The following AUH variants were observed in gnomAD, a reference collection of about 807,000 sequenced individuals.
AUH encodes methylglutaconyl-CoA hydratase, mitochondrial.
In AUH, 29 loss-of-function variants were observed where a neutral mutation model predicts 42.3. That is an observed-to-expected ratio of 0.69 (90% CI 0.51 to 0.93). The LOEUF is 0.93. Ranked by LOEUF, AUH falls within the 40% of genes least tolerant of loss-of-function variation. The pLI is 0.00. For missense variants in AUH, 452 were observed against 438.1 expected (o/e 1.03, Z -0.28); for synonymous variants, 174 against 166.4 (o/e 1.05, Z -0.35).
chr9:91,337,582 C>T (rs1830786388), intron 3 of AUH, among the ~76,000 whole-genome samples: 1 of 152,158 alleles, frequency 6.6e-6, no homozygotes. Flanking sequence ...GGATATGGGG[C>T]CCAGAACTGA....
chr9:91,303,179 C>T (rs927203219), intron 4 of AUH, among the ~76,000 whole-genome samples: 3 of 152,006 alleles, frequency 2.0e-5, no homozygotes, highest in South Asian at 2.1e-4. Flanking sequence ...CTGCAGCCTA[C>T]GATAATTAGA....
intron 4 of AUH, among the ~76,000 whole-genome samples, chr9:91,299,438 C>A (rs1322237795): frequency 6.6e-6 from 1 of 152,142 alleles, no homozygotes; most frequent in Non-Finnish European, 1.5e-5. Context: ...TACACAGCTG[C>A]CGCCTGAAGC....
intron 6 of AUH, among the ~76,000 whole-genome samples, chr9:91,275,609 A>G (rs1429124867): frequency 6.6e-6 from 1 of 152,180 alleles, no homozygotes; most frequent in African/African-American, 2.4e-5. Context: ...GCATCAGGTA[A>G]AAGTTTGCTC....
At chr9:91,324,999 A>C (rs1829869944) in intron 4 of AUH, among the ~76,000 whole-genome samples, 1 of 152,114 alleles carries the variant, frequency 6.6e-6, no homozygotes, top group South Asian at 2.1e-4. Flanking sequence ...TATTTAAAAA[A>C]CAAAGGAATC....
chr9:91,285,538 T>TA (rs922780772), intron 6 of AUH, among the ~76,000 whole-genome samples: 4 of 152,066 alleles, frequency 2.6e-5, no homozygotes, highest in African/African-American at 7.2e-5. Flanking sequence ...TATATTGCCT[T>TA]ATCCCTGTTT....
intron 6 of AUH, among the ~76,000 whole-genome samples, chr9:91,238,580 A>G (rs1828320748): frequency 6.6e-6 from 1 of 152,262 alleles, no homozygotes; most frequent in Admixed American, 6.5e-5. Flanking sequence ...ATCATGCAAC[A>G]AAATGTCTTC....
chr9:91,349,598 A>G (rs931101591), intron 3 of AUH, among the ~76,000 whole-genome samples: 16 of 152,110 alleles, frequency 1.1e-4, no homozygotes, highest in African/African-American at 3.9e-4. Context: ...AACTACATAA[A>G]CATTTTGAAA....
Position 91,282,037 on chromosome 9 carries a change from T to C in AUH, c.655+13984A>G, listed in dbSNP as rs148912934. Among the ~76,000 whole-genome samples, 394 of 152,272 alleles carry C rather than the reference T, an allele frequency of 2.6e-3. 2 individuals carry two copies. The highest frequency in any genetic ancestry group is 8.5e-3 in the African/African-American group (353 of 41,562). On this transcript the variant is annotated intron_variant, in intron 6 of 9. Transcript: ENST00000375731. ...GGGTAAAAGTTAAAAGTCCTGACAG[T>C]GGCTATAAGACCTCTAGATCTGACT...
chr9:91,335,059 T>G (rs1487832304), intron 3 of AUH, among the ~76,000 whole-genome samples: 2 of 152,196 alleles, frequency 1.3e-5, no homozygotes, highest in African/African-American at 4.8e-5. Flanking sequence ...TACGTGGTGG[T>G]TGTCAGGGGT....
chr9:91,221,133 G>C, intron 6 of AUH, 141 bp from the exon 7 acceptor site: 1 of 906,744 alleles, frequency 1.1e-6, no homozygotes, highest in Non-Finnish European at 1.7e-6. Flanking sequence ...AACTACTTCA[G>C]AACAGAATCT....
At chr9:91,240,911 A>T (rs553049735) in intron 6 of AUH, among the ~76,000 whole-genome samples, 80 of 152,138 alleles carry the variant, frequency 5.3e-4, no homozygotes, top group Non-Finnish European at 1.0e-3. Context: ...GGTCTACACA[A>T]CATCTCTACA....
At chr9:91,259,049 TG>T (rs1227931753) in intron 6 of AUH, among the ~76,000 whole-genome samples, 9 of 152,196 alleles carry the variant, frequency 5.9e-5, no homozygotes, top group Admixed American at 3.9e-4. Context: ...ACCATGAGTC[TG>T]GAAGTATGCT....
rs60764101 is a variant in AUH at position 91,231,291 on chromosome 9, G to A, written c.656-10299C>T. On this transcript the variant is annotated intron_variant, in intron 6 of 9. Coordinates refer to ENST00000375731, the MANE Select transcript of AUH (RefSeq NM_001698.3). ...AGCCCGTCGGAAAAGCGCAGTATTCGGGTCGGGTGGGAGTGACCCGATTTT... is the reference window on the plus strand; with the variant it reads ...AGCCCGTCGGAAAAGCGCAGTATTCAGGTCGGGTGGGAGTGACCCGATTTT... Among the ~76,000 whole-genome samples the A allele has an allele frequency of 9.1e-3, 1,388 of 152,280 alleles. 27 individuals carry two copies. Among genetic ancestry groups the A allele is most frequent in the African/African-American group, 0.032 (1,326 of 41,568 alleles).
intron 6 of AUH, among the ~76,000 whole-genome samples, chr9:91,280,178 T>G (rs112106867): frequency 0.02 from 3,012 of 152,330 alleles, 84 homozygotes; most frequent in African/African-American, 0.06. Flanking sequence ...CTCTTCTTAA[T>G]TTATAGGCAG....
intron 3 of AUH, among the ~76,000 whole-genome samples, chr9:91,332,707 T>C (rs1251720200): frequency 6.6e-6 from 1 of 152,130 alleles, no homozygotes; most frequent in Non-Finnish European, 1.5e-5. Flanking sequence ...GAATTTATGA[T>C]GAACGAGGTG....
At chr9:91,233,158 A>T (rs141389275) in intron 6 of AUH, among the ~76,000 whole-genome samples, 50 of 152,296 alleles carry the variant, frequency 3.3e-4, no homozygotes, top group African/African-American at 1.2e-3. Flanking sequence ...ACACACAGAG[A>T]GTAAGAAAGC....
intron 3 of AUH, among the ~76,000 whole-genome samples, chr9:91,350,265 T>G (rs977211980): frequency 4.6e-5 from 7 of 152,220 alleles, no homozygotes; most frequent in Admixed American, 4.6e-4. Context: ...TTAAGAACTT[T>G]AAAGAGACAC....
chr9:91,360,676 G>T (rs1033080341), intron 1 of AUH, among the ~76,000 whole-genome samples: 1 of 152,132 alleles, frequency 6.6e-6, no homozygotes, highest in South Asian at 2.1e-4. Context: ...AACCCTGCAG[G>T]TATTACAGCC....
intron 6 of AUH, among the ~76,000 whole-genome samples, chr9:91,276,775 GAAC>G (rs1307153421): frequency 6.6e-6 from 1 of 152,130 alleles, no homozygotes; most frequent in African/African-American, 2.4e-5. Flanking sequence ...CAAGACTCAA[GAAC>G]AATAGCTTAT....
Sources: allele counts gnomAD v4.1 joint callset (sites outside exome capture counted in the v4.1 genomes callset), GRCh38; gene constraint gnomAD v4.1.1; transcripts MANE v1.5; gene names NCBI Gene and HGNC (gene_info 2026-07-23, HGNC 2026-07-21).